The following DOCK3 variants were observed in gnomAD, a reference collection of about 807,000 sequenced individuals.
DOCK3 encodes the protein dedicator of cytokinesis 3.
In DOCK3, 60 loss-of-function variants were observed where a neutral mutation model predicts 265.6. The ratio of observed to expected loss-of-function variants is 0.23; its 90% CI spans 0.18 to 0.28. The LOEUF (loss-of-function observed/expected upper bound fraction) is 0.28, where lower values mean the gene tolerates loss of function less well. Among genes scored for constraint, DOCK3 ranks in the 10% least tolerant of loss-of-function variants. DOCK3 has a pLI of 1.00. For missense variants in DOCK3, 1,981 were observed against 2,594.3 expected (o/e 0.76, Z 5.14); for synonymous variants, 881 against 938.0 (o/e 0.94, Z 1.11).
chr3:50,922,357 G>T (rs980844824), intron 4 of DOCK3, among the ~76,000 whole-genome samples: 13 of 152,232 alleles, frequency 8.5e-5, no homozygotes, highest in East Asian at 1.9e-4. Flanking sequence ...CCCTGAGCCA[G>T]GCATGGGATA....
At chr3:51,380,997 A>ACTTG in intron 52 of DOCK3, 53 bp from the exon 53 acceptor site, 1 of 1,528,718 alleles carries the variant, frequency 6.5e-7, no homozygotes, top group Non-Finnish European at 8.8e-7. Flanking sequence ...ATGGCGGGCA[A>ACTTG]GTCAGCCTGT....
chr3:50,703,310 T>A (rs575400799), intron 1 of DOCK3, among the ~76,000 whole-genome samples: 3 of 152,152 alleles, frequency 2.0e-5, no homozygotes, highest in Non-Finnish European at 4.4e-5. Context: ...TTTTCTCTTT[T>A]TTTTCTTGTG....
intron 38 of DOCK3, among the ~76,000 whole-genome samples, chr3:51,342,076 C>T (rs74428738): frequency 6.6e-6 from 1 of 152,322 alleles, no homozygotes; most frequent in Non-Finnish European, 1.5e-5. Flanking sequence ...GCTTTGAGCA[C>T]ATTTTAAAGC....
At chr3:51,152,156 T>C (rs1414274233) in intron 10 of DOCK3, among the ~76,000 whole-genome samples, 5 of 152,206 alleles carry the variant, frequency 3.3e-5, no homozygotes, top group Admixed American at 2.6e-4. Context: ...TTTGGTCTTT[T>C]CACATAGTCC....
At chr3:50,849,060 G>T (rs2107353854) in intron 3 of DOCK3, among the ~76,000 whole-genome samples, 1 of 151,840 alleles carries the variant, frequency 6.6e-6, no homozygotes, top group Admixed American at 6.6e-5. Context: ...CTTGAGATGG[G>T]GTCTTGCTCT....
Position 50,775,306 on chromosome 3 carries a change from G to A in DOCK3, c.38-3369G>A, listed in dbSNP as rs575197474. On this transcript the variant is annotated intron_variant, in intron 1 of 52. Coordinates refer to ENST00000266037, the MANE Select transcript of DOCK3 (RefSeq NM_004947.5). ...GATTAACTTTTCTTTAATAAATATA[G>A]GACTATTTAAATTTTTAACTTCTCT... Among the ~76,000 whole-genome samples, 8 of 151,922 alleles carry A rather than the reference G, an allele frequency of 5.3e-5. No individual in the cohort carries two copies. The South Asian group carries it at 1.7e-3, about 32-fold the overall frequency.
intron 5 of DOCK3, among the ~76,000 whole-genome samples, chr3:50,973,709 G>A (rs1388297809): frequency 2.4e-5 from 2 of 83,926 alleles, no homozygotes; most frequent in Admixed American, 1.6e-4. Context: ...CTGAGGAATC[G>A]CCACACTGAC....
intron 33 of DOCK3, 106 bp from the exon 34 acceptor site, chr3:51,332,895 T>G (rs887022420): frequency 1.4e-6 from 2 of 1,469,322 alleles, no homozygotes; most frequent in Non-Finnish European, 1.9e-6. Context: ...TCCCCCCACC[T>G]CAGTGGCATC....
At position 51,011,050 on chromosome 3, in the gene DOCK3, A is replaced by G. The variant is rs1403050789; in HGVS notation, c.316-53398A>G. ...CGACCTTTCTCTCTGGCTGCCCTTAACATGTTTTCCTTCATTTCAACTTTG... is the reference window on the plus strand; with the variant it reads ...CGACCTTTCTCTCTGGCTGCCCTTAGCATGTTTTCCTTCATTTCAACTTTG... On this transcript the variant is annotated intron_variant, in intron 5 of 52. Transcript: ENST00000266037. 2.0e-5 allele frequency among the ~76,000 whole-genome samples: 3 copies of G among 152,082 alleles called. 1 individual carries two copies. The highest frequency in any genetic ancestry group is 1.3e-4 in the Admixed American group (2 of 15,266).
At chr3:50,989,482 C>G (rs1372235349) in intron 5 of DOCK3, among the ~76,000 whole-genome samples, 1 of 152,174 alleles carries the variant, frequency 6.6e-6, no homozygotes, top group African/African-American at 2.4e-5. Context: ...AAGCATCTAC[C>G]AACTGACCAG....
At chr3:51,254,887 T>C (rs535298971) in intron 22 of DOCK3, among the ~76,000 whole-genome samples, 134 of 152,352 alleles carry the variant, frequency 8.8e-4, no homozygotes, top group African/African-American at 3.1e-3. Context: ...AATATAGTTA[T>C]ATGTGAATTT....
intron 4 of DOCK3, among the ~76,000 whole-genome samples, chr3:50,924,325 A>G (rs2050653435): frequency 6.6e-6 from 1 of 152,208 alleles, no homozygotes; most frequent in Non-Finnish European, 1.5e-5. Flanking sequence ...GGATTGCCCC[A>G]TCATTAAAAA....
At chr3:51,139,265 C>G (rs2084943175) in intron 9 of DOCK3, among the ~76,000 whole-genome samples, 2 of 147,338 alleles carry the variant, frequency 1.4e-5, no homozygotes, top group African/African-American at 5.2e-5. Flanking sequence ...GGGGGGAGGG[C>G]TAAGATGTAT....
chr3:51,045,337 C>T (rs572326846), intron 5 of DOCK3, among the ~76,000 whole-genome samples: 18 of 152,166 alleles, frequency 1.2e-4, no homozygotes, highest in Admixed American at 1.2e-3. Context: ...CAGACATTTG[C>T]GATTAATTTC....
chr3:51,102,867 A>G (rs2083140171), intron 9 of DOCK3, among the ~76,000 whole-genome samples: 1 of 152,206 alleles, frequency 6.6e-6, no homozygotes, highest in South Asian at 2.1e-4. Flanking sequence ...TAAACTTCTA[A>G]TGGCATCTAG....
chr3:51,277,282 G>A (rs1234297553), intron 25 of DOCK3, among the ~76,000 whole-genome samples: 1 of 152,136 alleles, frequency 6.6e-6, no homozygotes, highest in Non-Finnish European at 1.5e-5. Flanking sequence ...ACTATTCTAG[G>A]GAAATCAAAG....
intron 1 of DOCK3, among the ~76,000 whole-genome samples, chr3:50,755,623 T>A (rs1197126402): frequency 2.0e-5 from 3 of 152,198 alleles, no homozygotes; most frequent in Non-Finnish European, 4.4e-5. Flanking sequence ...TCAGGACATT[T>A]TCATCTCCCA....
chr3:50,753,218 A>G (rs1243374336), intron 1 of DOCK3, among the ~76,000 whole-genome samples: 1 of 152,264 alleles, frequency 6.6e-6, no homozygotes, highest in African/African-American at 2.4e-5. Flanking sequence ...GTTCCCTGTG[A>G]TCAAAATAAT....
At chr3:51,204,705 A>G (rs2089062744) in intron 12 of DOCK3, among the ~76,000 whole-genome samples, 1 of 149,274 alleles carries the variant, frequency 6.7e-6, no homozygotes, top group South Asian at 2.1e-4. Context: ...TGCTATAAAG[A>G]CACATGCACA....
Sources: gnomAD v4.1 joint callset for allele counts (sites outside exome capture counted in the v4.1 genomes callset) on GRCh38, gnomAD v4.1.1 for gene constraint, MANE v1.5 for transcripts, NCBI Gene and HGNC (gene_info 2026-07-23, HGNC 2026-07-21) for gene names.